PLCH1: variants seen among roughly 807,000 people sequenced by gnomAD.
PLCH1 encodes the protein phospholipase C eta 1, also known as 1-phosphatidylinositol 4,5-bisphosphate phosphodiesterase eta-1.
In PLCH1, 60 loss-of-function variants were observed where a neutral mutation model predicts 126.7. That is an observed-to-expected ratio of 0.47 (90% confidence interval 0.38 to 0.59). The LOEUF is 0.59. Among genes scored for constraint, PLCH1 ranks in the 20% least tolerant of loss-of-function variants. PLCH1 has a pLI of 0.00. For missense variants in PLCH1, 1,723 were observed against 2,040.0 expected, an observed-to-expected ratio of 0.84 and a Z score of 2.99; for synonymous variants, 719 against 734.9, an observed-to-expected ratio of 0.98 and a Z score of 0.35.
At chr3:155,700,811 G>C (rs998387664) in intron 2 of PLCH1, among the ~76,000 whole-genome samples, 1 of 152,124 alleles carries the variant, frequency 6.6e-6, no homozygotes, top group African/African-American at 2.4e-5. Context: ...GAAGGTATAG[G>C]CAATTTTCAA....
chr3:155,486,724 C>T (rs1330221223), intron 21 of PLCH1, among the ~76,000 whole-genome samples: 34 of 151,688 alleles, frequency 2.2e-4, no homozygotes, highest in East Asian at 1.9e-4. Flanking sequence ...CGGGGTTTCA[C>T]CTTGTTAGCC....
rs564505232 is a variant in PLCH1 at position 155,511,642 on chromosome 3, G to A, written c.1632+3081C>T. 3.9e-4 allele frequency among the ~76,000 whole-genome samples: 55 copies of A among 140,578 alleles called. 5 individuals are homozygous for A. In the South Asian group the frequency reaches 0.013, roughly 32 times the overall value. 92.2% of individuals were successfully genotyped at this position (140,578 alleles called of 152,430 possible). A position where few individuals can be genotyped will look rare whatever the true frequency, so the allele number is the denominator to read the frequency against. On this transcript the variant is annotated intron_variant, in intron 12 of 22. Coordinates refer to ENST00000460012, the MANE Select transcript of PLCH1 (RefSeq NM_014996.4). ...GGTGTCAGTGTGCCCCTGCTGGGGG[G>A]TGCCTCCCAGTTAGGCTGCTCGGGG... is the stretch of plus-strand genomic sequence containing the variant.
chr3:155,688,061 A>T (rs1745087892), intron 2 of PLCH1, among the ~76,000 whole-genome samples: 3 of 152,190 alleles, frequency 2.0e-5, no homozygotes, highest in African/African-American at 7.2e-5. Flanking sequence ...GAGAGTTAAT[A>T]ATCATTTTTA....
At chr3:155,684,845 A>C (rs1021534630) in intron 2 of PLCH1, among the ~76,000 whole-genome samples, 1 of 152,220 alleles carries the variant, frequency 6.6e-6, no homozygotes, top group African/African-American at 2.4e-5. Context: ...CTTCAGCAGT[A>C]CAATTTTACA....
intron 1 of PLCH1, among the ~76,000 whole-genome samples, chr3:155,711,881 G>A (rs1252184030): frequency 6.6e-6 from 1 of 152,176 alleles, no homozygotes; most frequent in East Asian, 1.9e-4. Context: ...AAGACCTAAA[G>A]TTCCTGGCCA....
intron 2 of PLCH1, among the ~76,000 whole-genome samples, chr3:155,623,940 A>C (rs1480312825): frequency 2.0e-5 from 3 of 152,206 alleles, no homozygotes; most frequent in Non-Finnish European, 1.5e-5. Flanking sequence ...TGGCAGAGAC[A>C]CAACAAAAAA....
At chr3:155,707,841 C>A (rs1333930670) in intron 1 of PLCH1, among the ~76,000 whole-genome samples, 1 of 152,162 alleles carries the variant, frequency 6.6e-6, no homozygotes, top group African/African-American at 2.4e-5. Flanking sequence ...CACAAACCTA[C>A]AGACATATAT....
intron 2 of PLCH1, among the ~76,000 whole-genome samples, chr3:155,662,388 A>C (rs928293358): frequency 1.3e-5 from 2 of 152,124 alleles, no homozygotes; most frequent in Non-Finnish European, 2.9e-5. Context: ...GAATAGTTTG[A>C]GCCCAGGAGT....
Position 155,690,628 on chromosome 3 carries a change from TCAGG to T in PLCH1, c.79+13514_79+13517del, listed in dbSNP as rs1363819247. On this transcript the variant is annotated intron_variant, in intron 2 of 22. Transcript: ENST00000460012. ...TGTTTCCTCCTTGGGAATCTGAGTATCAGGATACTGCTGGGGGTCTTGGTCATCA... is the reference window on the plus strand; with the variant it reads ...TGTTTCCTCCTTGGGAATCTGAGTATATACTGCTGGGGGTCTTGGTCATCA... Among the ~76,000 whole-genome samples the T allele has an allele frequency of 2.6e-5, 4 of 152,342 alleles. No homozygotes were observed. The East Asian group carries it at 7.7e-4, about 29-fold the overall frequency.
intron 4 of PLCH1, among the ~76,000 whole-genome samples, chr3:155,588,146 G>T (rs1731623422): frequency 6.6e-6 from 1 of 152,146 alleles, no homozygotes; most frequent in Non-Finnish European, 1.5e-5. Context: ...AAATTAAGTA[G>T]AGGATATTTT....
intron 2 of PLCH1, among the ~76,000 whole-genome samples, chr3:155,681,934 G>A (rs1744573949): frequency 6.6e-6 from 1 of 152,130 alleles, no homozygotes; most frequent in African/African-American, 2.4e-5. Context: ...GAGTACTCTG[G>A]AGACAATGGG....
intron 2 of PLCH1, 33 bp downstream of exon 2, chr3:155,704,113 G>C (rs2109082886): frequency 1.0e-6 from 1 of 976,466 alleles, no homozygotes; most frequent in Non-Finnish European, 1.3e-6. Context: ...CAAAATAAAA[G>C]ATCCAACTAC....
intron 2 of PLCH1, among the ~76,000 whole-genome samples, chr3:155,638,458 AC>A (rs1202715644): frequency 6.6e-6 from 1 of 152,138 alleles, no homozygotes; most frequent in African/African-American, 2.4e-5. Context: ...TTTCTTTTAG[AC>A]TCTGCTACAT....
At chr3:155,717,599 A>C (rs1265017118) in intron 1 of PLCH1, among the ~76,000 whole-genome samples, 2 of 152,212 alleles carry the variant, frequency 1.3e-5, no homozygotes, top group East Asian at 3.8e-4. Context: ...CAGCAGTCCA[A>C]GCTGTATCTG....
chr3:155,649,020 G>C (rs1282736522), intron 2 of PLCH1, among the ~76,000 whole-genome samples: 1 of 152,150 alleles, frequency 6.6e-6, no homozygotes, highest in Non-Finnish European at 1.5e-5. Context: ...ATCCACTGAA[G>C]GCTTTTAAGC....
chr3:155,720,643 T>C (rs2109135160), intron 1 of PLCH1, among the ~76,000 whole-genome samples: 1 of 152,346 alleles, frequency 6.6e-6, no homozygotes, highest in Non-Finnish European at 1.5e-5. Context: ...AGATATAGAT[T>C]GTGAAGATTT....
chr3:155,573,545 C>T (rs1472873348), intron 6 of PLCH1, among the ~76,000 whole-genome samples: 1 of 152,170 alleles, frequency 6.6e-6, no homozygotes, highest in Admixed American at 6.5e-5. Context: ...GTGGTTGGTG[C>T]TGGCTGTTGG....
At chr3:155,593,812 G>T in intron 4 of PLCH1, 129 bp downstream of exon 4, 1 of 826,044 alleles carries the variant, frequency 1.2e-6, no homozygotes, top group Non-Finnish European at 1.9e-6. Context: ...AAGACGGTGT[G>T]AGGGGTAAAG....
At chr3:155,660,947 A>G (rs188032447) in intron 2 of PLCH1, among the ~76,000 whole-genome samples, 1 of 152,340 alleles carries the variant, frequency 6.6e-6, no homozygotes, top group Admixed American at 6.5e-5. Flanking sequence ...TGAAATACCT[A>G]TCTGCCTGCC....
Sources: allele counts gnomAD v4.1 joint callset (sites outside exome capture counted in the v4.1 genomes callset), GRCh38; gene constraint gnomAD v4.1.1; transcripts MANE v1.5; gene names NCBI Gene and HGNC (gene_info 2026-07-23, HGNC 2026-07-21).